Variants in ZWILCH observed in about 807,000 individuals in gnomAD.
ZWILCH encodes protein zwilch homolog.
Under a neutral mutation model 79.9 loss-of-function variants are expected in ZWILCH, and 74 were observed. The ratio of observed to expected loss-of-function variants is 0.93; its 90% CI spans 0.77 to 1.12. The LOEUF (loss-of-function observed/expected upper bound fraction) is 1.12. ZWILCH is among the 50% of genes most tolerant of loss of function. ZWILCH has a pLI of 0.00. For missense variants in ZWILCH, 694 were observed against 687.5 expected, an observed-to-expected ratio of 1.01 and a Z score of -0.11; for synonymous variants, 241 against 228.2, an observed-to-expected ratio of 1.06 and a Z score of -0.51.
chr15:66,521,449 G>A (rs1289408841), intron 7 of ZWILCH, among the ~76,000 whole-genome samples: 1 of 152,130 alleles, frequency 6.6e-6, no homozygotes, highest in Non-Finnish European at 1.5e-5. Context: ...TTCTAGTGAT[G>A]AATAAAGTTT....
At chr15:66,532,494 C>A in intron 13 of ZWILCH, 91 bp downstream of exon 13, 3 of 1,210,212 alleles carry the variant, frequency 2.5e-6, no homozygotes, top group Non-Finnish European at 3.4e-6. Context: ...GCTTGTCCCT[C>A]ATCGTCTGTA....
intron 13 of ZWILCH, among the ~76,000 whole-genome samples, 185 bp downstream of exon 13, chr15:66,532,588 A>G (rs1248370016): frequency 6.6e-6 from 1 of 151,928 alleles, no homozygotes; most frequent in African/African-American, 2.4e-5. Context: ...TAAAGATATC[A>G]AATGCATTAT....
At chr15:66,507,756 C>T (rs1040202763) in intron 1 of ZWILCH, among the ~76,000 whole-genome samples, 1 of 151,936 alleles carries the variant, frequency 6.6e-6, no homozygotes, top group Non-Finnish European at 1.5e-5. Flanking sequence ...GGTGAAACCC[C>T]ATCTCTACTA....
intron 15 of ZWILCH, among the ~76,000 whole-genome samples, chr15:66,536,705 A>C (rs556392423): frequency 6.6e-6 from 1 of 151,968 alleles, no homozygotes; most frequent in African/African-American, 2.4e-5. Flanking sequence ...AAAGTTTGAA[A>C]TTGTTATTGT....
chr15:66,529,343 T>C, intron 11 of ZWILCH, 151 bp from the exon 12 acceptor site: 1 of 547,458 alleles, frequency 1.8e-6, no homozygotes. Flanking sequence ...TAAATCTTTT[T>C]TTTTTTTGCC....
chr15:66,520,159 C>T (rs1466482362), intron 5 of ZWILCH, among the ~76,000 whole-genome samples: 1 of 151,648 alleles, frequency 6.6e-6, no homozygotes, highest in Non-Finnish European at 1.5e-5. Context: ...CTTACTCTGT[C>T]ACCCAGGCTG....
chr15:66,519,226 A>G lies in ZWILCH; in HGVS notation c.520+148A>G, dbSNP rs1348632842. ...TCACCATAAATCTACTCTGGTGTGT[A>G]ACTTGCAGCATGTGGGAGGTATTCC... is the stretch of plus-strand genomic sequence containing the variant. On this transcript the variant is annotated intron_variant, in intron 5 of 18. Coordinates refer to ENST00000307897, the MANE Select transcript of ZWILCH (RefSeq NM_017975.5). 1.3e-5 allele frequency: 9 copies of G among 712,874 alleles called. No individual in the cohort carries two copies. In the South Asian group the frequency reaches 1.3e-4, roughly 10 times the overall value. The allele number at this position is 712,874 out of a possible 1,614,324, so 44.2% of individuals were successfully genotyped here. A position where few individuals can be genotyped will look rare whatever the true frequency, so the allele number is the denominator to read the frequency against.
intron 8 of ZWILCH, 28 bp downstream of exon 8, chr15:66,523,776 T>G (rs1402157597): frequency 6.5e-7 from 1 of 1,532,940 alleles, no homozygotes; most frequent in Admixed American, 1.8e-5. Flanking sequence ...ATTCCTTTCC[T>G]TAAATCTATG....
intron 4 of ZWILCH, among the ~76,000 whole-genome samples, chr15:66,516,203 C>G (rs1052627507): frequency 6.6e-6 from 1 of 152,184 alleles, no homozygotes; most frequent in African/African-American, 2.4e-5. Context: ...ATGCATGGGA[C>G]TCTCCTGCAC....
chr15:66,516,657 C>T (rs1409156717), intron 4 of ZWILCH, among the ~76,000 whole-genome samples: 1 of 152,132 alleles, frequency 6.6e-6, no homozygotes, highest in Non-Finnish European at 1.5e-5. Flanking sequence ...AGACACACAC[C>T]ACCATGTCCG....
intron 7 of ZWILCH, 101 bp downstream of exon 7, chr15:66,521,306 T>C (rs1894486730): frequency 7.1e-7 from 1 of 1,398,818 alleles, no homozygotes; most frequent in East Asian, 2.3e-5. Flanking sequence ...TGGCACTTGC[T>C]GAGTGTGAGC....
Position 66,548,511 on chromosome 15 carries a change from G to T in ZWILCH, c.*187G>T. 1 of 1,606,516 alleles carries T rather than the reference G, an allele frequency of 6.2e-7. No individual in the cohort carries two copies. Among genetic ancestry groups the T allele is most frequent in the South Asian group, 1.1e-5 (1 of 90,606 alleles). On this transcript the variant is annotated 3_prime_UTR_variant, in exon 19 of 19. Coordinates refer to ENST00000307897, the MANE Select transcript of ZWILCH (RefSeq NM_017975.5). ...TGTCTCAGCTCTGCCTCCTCAGGAG[G>T]AGCATTAGTAGAACAGCAGTGATGA...
chr15:66,519,568 C>G (rs990328083), intron 5 of ZWILCH, among the ~76,000 whole-genome samples: 5 of 152,176 alleles, frequency 3.3e-5, no homozygotes, highest in Admixed American at 6.5e-5. Flanking sequence ...AGTTCTCTGC[C>G]TCAGCTTCCG....
intron 9 of ZWILCH, 45 bp downstream of exon 9, chr15:66,527,428 T>A: frequency 7.0e-7 from 1 of 1,429,618 alleles, no homozygotes; most frequent in Non-Finnish European, 9.9e-7. Flanking sequence ...CTTGCTATGT[T>A]TAAATATAAG....
intron 14 of ZWILCH, among the ~76,000 whole-genome samples, 197 bp downstream of exon 14, chr15:66,533,210 C>G (rs1245107737): frequency 6.6e-6 from 1 of 152,156 alleles, no homozygotes; most frequent in Non-Finnish European, 1.5e-5. Context: ...TTCTCACTCT[C>G]TATAAATTTG....
chr15:66,515,171 A>G (rs1894206887), intron 3 of ZWILCH, among the ~76,000 whole-genome samples: 1 of 149,944 alleles, frequency 6.7e-6, no homozygotes, highest in Non-Finnish European at 1.5e-5. Flanking sequence ...GTTTGTCTCG[A>G]CCTCTTGGGC....
chr15:66,527,870 G>T lies in ZWILCH; in HGVS notation c.927G>T (p.Leu309=). Residue 309 remains leucine, a synonymous_variant, in exon 10 of 19, where the codon CTG becomes CTT. Coordinates refer to ENST00000307897, the MANE Select transcript of ZWILCH (RefSeq NM_017975.5). Reference sequence around the variant, plus strand: ...GCCACTTTCTAGACTTAAATAAGCTGGATGGATTTGGTGATTCTACAAAAA... The same window carrying T: ...GCCACTTTCTAGACTTAAATAAGCTTGATGGATTTGGTGATTCTACAAAAA... ...VQEFLNDLNK[L]DGFGDSTKKD... 6.3e-7 allele frequency: 1 copy of T among 1,599,042 alleles called. No homozygotes were observed. The highest frequency in any genetic ancestry group is 8.5e-7 in the Non-Finnish European group (1 of 1,176,284).
chr15:66,540,318 G>C, intron 17 of ZWILCH, 108 bp downstream of exon 17: 1 of 782,762 alleles, frequency 1.3e-6, no homozygotes, highest in Non-Finnish European at 2.0e-6. Flanking sequence ...TTGGGAGGCC[G>C]GGGTGGGCAG....
intron 15 of ZWILCH, 126 bp downstream of exon 15, chr15:66,536,195 T>G: frequency 1.2e-6 from 1 of 802,564 alleles, no homozygotes; most frequent in East Asian, 3.0e-5. Context: ...TACAGTAGCA[T>G]GCATGAGTCT....
Sources: allele counts gnomAD v4.1 joint callset (sites outside exome capture counted in the v4.1 genomes callset), GRCh38; gene constraint gnomAD v4.1.1; transcripts MANE v1.5; gene names NCBI Gene and HGNC (gene_info 2026-07-23, HGNC 2026-07-21).